Variants in ALK observed in about 807,000 individuals in gnomAD.
The protein encoded by ALK is ALK receptor tyrosine kinase.
In ALK, 74 loss-of-function variants were observed where a neutral mutation model predicts 163.1. The observed-to-expected ratio is 0.45, with a 90% CI of 0.38 to 0.55. The LOEUF (loss-of-function observed/expected upper bound fraction) is 0.55, where lower values mean the gene tolerates loss of function less well. Among genes scored for constraint, ALK ranks in the 20% least tolerant of loss-of-function variants. The pLI is 0.00. For synonymous variants in ALK, 960 were observed against 843.2 expected (o/e 1.14, Z -2.40); for missense variants, 2,063 against 2,105.3 (o/e 0.98, Z 0.39).
At chr2:29,542,503 T>C (rs190519667) in intron 3 of ALK, among the ~76,000 whole-genome samples, 1 of 152,308 alleles carries the variant, frequency 6.6e-6, no homozygotes, top group Admixed American at 6.5e-5. Context: ...ATATTTGAAA[T>C]GTTTATTTCA....
intron 2 of ALK, among the ~76,000 whole-genome samples, chr2:29,713,466 C>T (rs1000723025): frequency 6.6e-6 from 1 of 152,122 alleles, no homozygotes; most frequent in Non-Finnish European, 1.5e-5. Context: ...ATTACTTGGC[C>T]TGCCTGGGAT....
chr2:29,896,487 T>G (rs920426105), intron 1 of ALK, among the ~76,000 whole-genome samples: 2 of 152,210 alleles, frequency 1.3e-5, no homozygotes, highest in Admixed American at 6.5e-5. Context: ...CACATCCTTA[T>G]AAGAAGAGGA....
chr2:29,811,844 T>G (rs1437870819), intron 1 of ALK, among the ~76,000 whole-genome samples: 1 of 152,194 alleles, frequency 6.6e-6, no homozygotes, highest in Non-Finnish European at 1.5e-5. Context: ...CATTGGTATC[T>G]GTCTACGCCC....
intron 1 of ALK, among the ~76,000 whole-genome samples, chr2:29,765,563 C>T (rs1175039862): frequency 1.3e-5 from 2 of 152,200 alleles, no homozygotes; most frequent in Admixed American, 6.5e-5. Flanking sequence ...CCTTTGGTCT[C>T]GTCCTCCCAA....
chr2:29,724,378 A>G (rs1408742167), intron 1 of ALK, among the ~76,000 whole-genome samples: 1 of 152,196 alleles, frequency 6.6e-6, no homozygotes, highest in Non-Finnish European at 1.5e-5. Flanking sequence ...AATGTGGCCA[A>G]ATAAATAGTG....
At chr2:29,893,608 C>T (rs1005473842) in intron 1 of ALK, among the ~76,000 whole-genome samples, 1 of 152,118 alleles carries the variant, frequency 6.6e-6, no homozygotes, top group Non-Finnish European at 1.5e-5. Context: ...CAACCAAACA[C>T]CAAGGTTTAG....
chr2:29,614,014 T>A (rs1251790705), intron 3 of ALK, among the ~76,000 whole-genome samples: 1 of 152,084 alleles, frequency 6.6e-6, no homozygotes, highest in Non-Finnish European at 1.5e-5. Context: ...TCAGCACTGA[T>A]CCTGTCCAGA....
chr2:29,495,118 A>G (rs1353842311), intron 4 of ALK, among the ~76,000 whole-genome samples: 4 of 152,210 alleles, frequency 2.6e-5, no homozygotes, highest in Admixed American at 2.6e-4. Context: ...TTTAATGTGC[A>G]TGAAGTATGT....
At chr2:29,210,804 T>TA (rs1161099571) in intron 24 of ALK, among the ~76,000 whole-genome samples, 11 of 152,248 alleles carry the variant, frequency 7.2e-5, no homozygotes, top group Admixed American at 7.2e-4. Context: ...TTCCAGGTGA[T>TA]AAAGTTGTCA....
At chr2:29,778,602 A>G (rs1192057715) in intron 1 of ALK, among the ~76,000 whole-genome samples, 1 of 151,972 alleles carries the variant, frequency 6.6e-6, no homozygotes, top group African/African-American at 2.4e-5. Context: ...GGTGGGGAGG[A>G]AGTATTGAGC....
chr2:29,462,975 A>T (rs1421161842), intron 4 of ALK, among the ~76,000 whole-genome samples: 1 of 152,210 alleles, frequency 6.6e-6, no homozygotes, highest in African/African-American at 2.4e-5. Context: ...TAATAAAATG[A>T]TGATCCAAAT....
intron 1 of ALK, chr2:29,907,268 C>T (rs1422457365): frequency 6.6e-6 from 1 of 152,056 alleles, no homozygotes; most frequent in Non-Finnish European, 1.5e-5. Flanking sequence ...AGCTTTTTCC[C>T]TCCTGATTTT....
intron 3 of ALK, among the ~76,000 whole-genome samples, chr2:29,566,559 A>G (rs1674195778): frequency 6.6e-6 from 1 of 152,240 alleles, no homozygotes; most frequent in South Asian, 2.1e-4. Flanking sequence ...GCCGGTAGGA[A>G]CATACATTGG....
At chr2:29,330,067 C>T (rs890080822) in intron 5 of ALK, among the ~76,000 whole-genome samples, 5 of 152,202 alleles carry the variant, frequency 3.3e-5, no homozygotes, top group East Asian at 1.9e-4. Context: ...TGACAGCACA[C>T]GGCCACCCAG....
At chr2:29,628,778 A>G (rs996924157) in intron 3 of ALK, among the ~76,000 whole-genome samples, 15 of 152,232 alleles carry the variant, frequency 9.9e-5, no homozygotes, top group African/African-American at 3.4e-4. Context: ...TGACTTTTAA[A>G]CTAAGCAGTA....
At chr2:29,836,625 C>T (rs1259474119) in intron 1 of ALK, among the ~76,000 whole-genome samples, 5 of 152,228 alleles carry the variant, frequency 3.3e-5, no homozygotes, top group African/African-American at 1.2e-4. Flanking sequence ...GGAAGAACTT[C>T]ACTAATGGCT....
intron 1 of ALK, among the ~76,000 whole-genome samples, chr2:29,779,111 G>A (rs368728112): frequency 3.9e-5 from 6 of 151,974 alleles, no homozygotes; most frequent in African/African-American, 9.7e-5. Context: ...AGCCGAGATC[G>A]TGCCACTGCA....
intron 3 of ALK, among the ~76,000 whole-genome samples, chr2:29,693,105 G>A (rs183463456): frequency 2.7e-4 from 41 of 152,160 alleles, no homozygotes; most frequent in African/African-American, 8.2e-4. Flanking sequence ...TTGGAGGGTG[G>A]GGAAAAGTTT....
At chr2:29,420,316 C>G (rs1669986373) in intron 4 of ALK, among the ~76,000 whole-genome samples, 1 of 151,486 alleles carries the variant, frequency 6.6e-6, no homozygotes, top group Non-Finnish European at 1.5e-5. Context: ...GTGAAGCTAT[C>G]TGAAATAGAA....
Sources: gnomAD v4.1 joint callset for allele counts (sites outside exome capture counted in the v4.1 genomes callset) on GRCh38, gnomAD v4.1.1 for gene constraint, MANE v1.5 for transcripts, NCBI Gene and HGNC (gene_info 2026-07-23, HGNC 2026-07-21) for gene names.